G6PC3: variants seen among roughly 807,000 people sequenced by gnomAD.
G6PC3 encodes the protein glucose-6-phosphatase 3.
A neutral mutation model predicts 38.6 loss-of-function variants in G6PC3; 30 were observed. That is an observed-to-expected ratio of 0.78 (90% CI 0.58 to 1.05). The LOEUF is 1.05. G6PC3 is among the 50% of genes least tolerant of loss of function. The probability of loss-of-function intolerance (pLI) is 0.00; values close to 1 mark genes in which losing one functional copy is unlikely to be tolerated. For synonymous variants in G6PC3, 192 were observed against 178.1 expected (o/e 1.08, Z -0.62); for missense variants, 377 against 443.1 (o/e 0.85, Z 1.34).
chr17:44,071,416 C>T lies in G6PC3; in HGVS notation c.218+233C>T, dbSNP rs949605441. On this transcript the variant is annotated intron_variant, in intron 1 of 5. Transcript: ENST00000269097. Reference sequence around the variant, plus strand: ...CAAACTGGTCTGATGGAAAAATCACCTAAGGGGCGTGTCTAAAATGTAAAT... The same window carrying T: ...CAAACTGGTCTGATGGAAAAATCACTTAAGGGGCGTGTCTAAAATGTAAAT... 16 of 707,962 alleles carry T rather than the reference C, an allele frequency of 2.3e-5. No homozygotes were observed. The East Asian group carries it at 4.0e-4, about 18-fold the overall frequency. 43.9% of individuals were successfully genotyped at this position (707,962 alleles called of 1,614,324 possible).
In G6PC3 at chr17:44,076,178, T is replaced by A. The variant is rs541553709; in HGVS notation, c.*135T>A. The A allele has an allele frequency of 9.0e-5, 108 of 1,196,308 alleles. No homozygotes were observed. In the African/African-American group the frequency reaches 1.5e-3, roughly 16 times the overall value. 74.1% of individuals were successfully genotyped at this position (1,196,308 alleles called of 1,614,324 possible). A position where few individuals can be genotyped will look rare whatever the true frequency, so the allele number is the denominator to read the frequency against. On this transcript the variant is annotated 3_prime_UTR_variant, in exon 6 of 6. Transcript: ENST00000269097. The stretch of plus-strand genomic sequence containing the variant: ...TCCCTAAATCTGCTTCCGCACCACC[T>A]GGTCTTAGCCCCAAAGATGGGCCTT...
rs1288256260 is a variant in G6PC3, at chr17:44,071,138, T to C, written c.173T>C (p.Leu58Pro). 1.2e-6 allele frequency: 2 copies of C among 1,614,038 alleles called. No individual in the cohort carries two copies. Among genetic ancestry groups the C allele is most frequent in the Middle Eastern group, 1.6e-4 (1 of 6,062 alleles). ...YASRRVGIAV[L>P]WISLITEWLN... ...TCCCGCCGTGTGGGCATCGCGGTGC[T>C]CTGGATCAGCCTCATCACCGAGTGG... Residue 58 changes from leucine to proline, a missense_variant, in exon 1 of 6, where the codon CTC (leucine) becomes CCC (proline). By Grantham distance (98) the Leu-to-Pro change is moderately conservative. Coordinates refer to ENST00000269097, the MANE Select transcript of G6PC3 (RefSeq NM_138387.4).
In G6PC3 at chr17:44,070,881, G is replaced by C. The variant is rs748083954; in HGVS notation, c.-85G>C. ...GGGGCTCAGAGGGGTGGGCTTTGGAGATCAGAGGGTCGACGCTGCTTCGTT... is the reference window on the plus strand; with the variant it reads ...GGGGCTCAGAGGGGTGGGCTTTGGACATCAGAGGGTCGACGCTGCTTCGTT... On this transcript the variant is annotated 5_prime_UTR_variant, in exon 1 of 6. Coordinates refer to ENST00000269097, the MANE Select transcript of G6PC3 (RefSeq NM_138387.4). 1 of 1,475,312 alleles carries C rather than the reference G, an allele frequency of 6.8e-7. No homozygotes were observed. The highest frequency in any genetic ancestry group is 1.2e-5 in the South Asian group (1 of 82,268). 91.4% of individuals were successfully genotyped at this position (1,475,312 alleles called of 1,614,324 possible).
Position 44,076,026 on chromosome 17 carries a change from C to T in G6PC3, c.1024C>T (p.Pro342Ser). ...CATGTTCAGTGCCCAGGAAGCACCG[C>T]CCATCCACTCTTCCTGACTTCTTGT... The part of the protein sequence containing the change: ...VHMFSAQEAP[P>S]IHSS Residue 342 changes from proline to serine, a missense_variant, in exon 6 of 6, where the codon CCC becomes TCC. Physicochemically the swap from Pro to Ser is moderately conservative, Grantham distance 74 (BLOSUM62 -1). Coordinates refer to ENST00000269097, the MANE Select transcript of G6PC3 (RefSeq NM_138387.4). 1 of 1,613,000 alleles carries T rather than the reference C, an allele frequency of 6.2e-7. No homozygotes were observed. Among genetic ancestry groups the T allele is most frequent in the Non-Finnish European group, 8.5e-7 (1 of 1,180,020 alleles).
chr17:44,071,489 G>A, intron 1 of G6PC3: 1 of 629,878 alleles, frequency 1.6e-6, no homozygotes, highest in South Asian at 2.0e-5. Flanking sequence ...CCAAGGGGTT[G>A]GGAATTTATT....
chr17:44,072,890 G>A (rs1465321560), intron 1 of G6PC3: 1 of 152,178 alleles, frequency 6.6e-6, no homozygotes, highest in Non-Finnish European at 1.5e-5. Flanking sequence ...ACCCTCCTCT[G>A]CCTCCCAAAG....
At chr17:44,073,406 A>G (rs1368446843) in intron 1 of G6PC3, 1 of 152,882 alleles carries the variant, frequency 6.5e-6, no homozygotes, top group Non-Finnish European at 1.5e-5. Context: ...ATCTCAGAGC[A>G]CACACACGGC....
intron 4 of G6PC3, 108 bp downstream of exon 4, chr17:44,075,195 GC>G (rs140471596): frequency 1.3e-6 from 2 of 1,513,566 alleles, no homozygotes; most frequent in Non-Finnish European, 9.2e-7. Context: ...CACCCCAGAG[GC>G]CCCCCGTTAT....
chr17:44,075,905 C>T lies in G6PC3; in HGVS notation c.903C>T (p.Gly301=), dbSNP rs771873137. 6 of 1,612,272 alleles carry T rather than the reference C, an allele frequency of 3.7e-6. No homozygotes were observed. Among genetic ancestry groups the T allele is most frequent in the African/African-American group, 2.7e-5 (2 of 74,924 alleles). The change falls in exon 6 of 6, where the codon GGC becomes GGT. Residue 301 remains glycine, a synonymous_variant. Coordinates refer to ENST00000269097, the MANE Select transcript of G6PC3 (RefSeq NM_138387.4). ...TGCTGGGCCCCCTGGACTGGCTGGGCCACCCCCCTCAGATCAGCCTCTTCT... is the reference window on the plus strand; with the variant it reads ...TGCTGGGCCCCCTGGACTGGCTGGGTCACCCCCCTCAGATCAGCCTCTTCT... ...MGLLGPLDWL[G]HPPQISLFYI...
At position 44,075,817 on chromosome 17, in the gene G6PC3, A is replaced by G. The variant is rs34491309; in HGVS notation, c.815A>G (p.Gln272Arg). Residue 272 changes from glutamine to arginine, a missense_variant, in exon 6 of 6, where the codon CAG becomes CGG. Gln to Arg is a conservative substitution (Grantham distance 43, BLOSUM62 1). Coordinates refer to ENST00000269097, the MANE Select transcript of G6PC3 (RefSeq NM_138387.4). ...GCCTTGCACTCTCCCTGCTATGCCC[A>G]GGTGCGTCGGGCACAGCTGGGAAAT... ...GIALHSPCYA[Q>R]VRRAQLGNGQ... 2.3e-3 allele frequency: 3,748 copies of G among 1,611,722 alleles called. 77 individuals are homozygous for G. The African/African-American group carries it at 0.043, about 19-fold the overall frequency.
Position 44,075,164 on chromosome 17 carries a change from G to C in G6PC3, c.535+77G>C, listed in dbSNP as rs923284701. On this transcript the variant is annotated intron_variant, in intron 4 of 5. Transcript: ENST00000269097. Reference sequence around the variant, plus strand: ...AGGATCAGTCTAGGATCTTCCCATCGCTCCCAGCTTCTGTAGAGCCCACCC... The same window carrying C: ...AGGATCAGTCTAGGATCTTCCCATCCCTCCCAGCTTCTGTAGAGCCCACCC... 5.4e-6 allele frequency: 8 copies of C among 1,487,844 alleles called. No individual in the cohort carries two copies. The African/African-American group carries it at 8.3e-5, about 15-fold the overall frequency. The allele number at this position is 1,487,844 out of a possible 1,614,324, so 92.2% of individuals were successfully genotyped here. A position where few individuals can be genotyped will look rare whatever the true frequency, so the allele number is the denominator to read the frequency against.
rs924056014 is a variant in G6PC3 at position 44,074,878 on chromosome 17, T to C, written c.417-91T>C. The C allele has an allele frequency of 4.8e-6, 7 of 1,462,020 alleles. No individual in the cohort carries two copies. In the African/African-American group the frequency reaches 9.7e-5, roughly 20 times the overall value. The allele number at this position is 1,462,020 out of a possible 1,614,324, so 90.6% of individuals were successfully genotyped here. ...GAGCTGGAGTTTTGGGGACCCTAGGTTGTGTGGTTCAACCATGGAGTACCT... is the reference window on the plus strand; with the variant it reads ...GAGCTGGAGTTTTGGGGACCCTAGGCTGTGTGGTTCAACCATGGAGTACCT... On this transcript the variant is annotated intron_variant, in intron 3 of 5. Coordinates refer to ENST00000269097, the MANE Select transcript of G6PC3 (RefSeq NM_138387.4).
At chr17:44,075,591 C>T (rs2050082385) in intron 5 of G6PC3, 89 bp from the exon 6 acceptor site, 2 of 1,601,646 alleles carry the variant, frequency 1.2e-6, no homozygotes, top group African/African-American at 2.7e-5. Flanking sequence ...CAAAACAGAA[C>T]ATGGGAGTGG....
chr17:44,074,616 A>T lies in G6PC3; in HGVS notation c.326-64A>T. On this transcript the variant is annotated intron_variant, in intron 2 of 5. Transcript: ENST00000269097. ...GGAAAGGCAGCTGTATTATTGAGGCATCACCAGGGGCCCCGGGGTTCTGCC... is the reference window on the plus strand; with the variant it reads ...GGAAAGGCAGCTGTATTATTGAGGCTTCACCAGGGGCCCCGGGGTTCTGCC... 2.2e-6 allele frequency: 3 copies of T among 1,386,832 alleles called. No homozygotes were observed. The African/African-American group carries it at 4.3e-5, about 20-fold the overall frequency. The allele number at this position is 1,386,832 out of a possible 1,614,324, so 85.9% of individuals were successfully genotyped here. A position where few individuals can be genotyped will look rare whatever the true frequency, so the allele number is the denominator to read the frequency against.
At position 44,075,305 on chromosome 17, in the gene G6PC3, C is replaced by T. The variant is rs765132404; in HGVS notation, c.536-5C>T. The T allele has an allele frequency of 1.9e-6, 3 of 1,614,146 alleles. No homozygotes were observed. In the South Asian group the frequency reaches 3.3e-5, roughly 18 times the overall value. On this transcript the variant is annotated splice_region_variant and splice_polypyrimidine_tract_variant and intron_variant, in intron 4 of 5. Transcript: ENST00000269097. ...CTTGAAGCTGTTGTCACTCCACTCT[C>T]CTAGGCGCTGTCCTGGGCTGGCTGA...
chr17:44,070,781 C>T lies in G6PC3; in HGVS notation c.-185C>T, dbSNP rs1304950947. The T allele has an allele frequency of 2.9e-6, 2 of 693,508 alleles. No individual in the cohort carries two copies. The highest frequency in any genetic ancestry group is 5.1e-6 in the Non-Finnish European group (2 of 390,526). 43.0% of individuals were successfully genotyped at this position (693,508 alleles called of 1,614,324 possible). A position where few individuals can be genotyped will look rare whatever the true frequency, so the allele number is the denominator to read the frequency against. Reference sequence around the variant, plus strand: ...AGAGCGCAGGAGGAAACAGTACCGGCTGGAGGCCGGTCTTGCAGGAGCGGG... The same window carrying T: ...AGAGCGCAGGAGGAAACAGTACCGGTTGGAGGCCGGTCTTGCAGGAGCGGG... On this transcript the variant is annotated 5_prime_UTR_variant, in exon 1 of 6. Transcript: ENST00000269097.
Position 44,071,038 on chromosome 17 carries a change from G to A in G6PC3, c.73G>A (p.Val25Met). The change falls in exon 1 of 6, where the codon GTG becomes ATG. Residue 25 changes from valine to methionine, a missense_variant. By Grantham distance (21) the Val-to-Met change is conservative. Coordinates refer to ENST00000269097, the MANE Select transcript of G6PC3 (RefSeq NM_138387.4). ...LQNQLAWLEN[V>M]WLWITFLGDP... ...GAACCAGCTAGCCTGGCTGGAGAAC[G>A]TGTGGCTCTGGATCACCTTTCTGGG... The A allele has an allele frequency of 6.3e-7, 1 of 1,596,650 alleles. No homozygotes were observed. Among genetic ancestry groups the A allele is most frequent in the Non-Finnish European group, 8.5e-7 (1 of 1,171,092 alleles).
In G6PC3 at chr17:44,076,196, TG is replaced by T. The variant is rs765766294; in HGVS notation, c.*156del. ...CACCACCTGGTCTTAGCCCCAAAGA[TG>T]GGCCTTCTCTCTCCCAGATAAGTTG... On this transcript the variant is annotated 3_prime_UTR_variant, in exon 6 of 6. Transcript: ENST00000269097. The T allele has an allele frequency of 9.7e-7, 1 of 1,034,544 alleles. No homozygotes were observed. The highest frequency in any genetic ancestry group is 1.5e-6 in the Non-Finnish European group (1 of 666,634). 64.1% of individuals were successfully genotyped at this position (1,034,544 alleles called of 1,614,324 possible). A position where few individuals can be genotyped will look rare whatever the true frequency, so the allele number is the denominator to read the frequency against.
intron 4 of G6PC3, 32 bp from the exon 5 acceptor site, chr17:44,075,278 T>G (rs773334393): frequency 1.9e-6 from 3 of 1,613,648 alleles, no homozygotes; most frequent in Non-Finnish European, 2.5e-6. Context: ...ATCCCCAGAC[T>G]CCTTGAAGCT....
Sources: gnomAD v4.1 joint callset for allele counts on GRCh38, gnomAD v4.1.1 for gene constraint, MANE v1.5 for transcripts, NCBI Gene and HGNC (gene_info 2026-07-23, HGNC 2026-07-21) for gene names.